The following PRKCE variants were observed in gnomAD, a reference collection of about 807,000 sequenced individuals.
The protein encoded by PRKCE is protein kinase C epsilon, also known as protein kinase C epsilon type.
Under a neutral mutation model 85.4 loss-of-function variants are expected in PRKCE, and 16 were observed. The observed-to-expected ratio is 0.19, with a 90% CI of 0.13 to 0.28. The LOEUF is 0.28. PRKCE is among the 10% of genes least tolerant of loss of function. PRKCE has a pLI of 1.00. For missense variants in PRKCE, 573 were observed against 975.2 expected (o/e 0.59, Z 5.49); for synonymous variants, 388 against 371.5 (o/e 1.04, Z -0.51).
At chr2:45,712,835 C>T (rs191505090) in intron 1 of PRKCE, among the ~76,000 whole-genome samples, 34 of 152,312 alleles carry the variant, frequency 2.2e-4, no homozygotes, top group South Asian at 2.1e-4. Flanking sequence ...TCCTCCAGCA[C>T]ACTTCCCTGT....
intron 11 of PRKCE, among the ~76,000 whole-genome samples, chr2:46,129,719 A>G (rs1674232801): frequency 6.6e-6 from 1 of 152,254 alleles, no homozygotes; most frequent in South Asian, 2.1e-4. Flanking sequence ...GCCCACAGGA[A>G]GCTGCCTGTG....
chr2:45,739,895 G>A (rs774431469), intron 1 of PRKCE, among the ~76,000 whole-genome samples: 2 of 152,200 alleles, frequency 1.3e-5, no homozygotes, highest in Non-Finnish European at 2.9e-5. Context: ...CTTTAGGCCT[G>A]TTTGACAATG....
intron 1 of PRKCE, among the ~76,000 whole-genome samples, chr2:45,794,087 AG>A (rs1438883190): frequency 6.6e-6 from 1 of 152,232 alleles, no homozygotes; most frequent in African/African-American, 2.4e-5. Context: ...CTAGAGAAGC[AG>A]GGAGACGCAG....
rs1375587455 is a variant in PRKCE at position 45,838,245 on chromosome 2, C to T, written c.349-4755C>T. Among the ~76,000 whole-genome samples the T allele has an allele frequency of 3.3e-5, 5 of 152,282 alleles. No homozygotes were observed. The East Asian group carries it at 9.7e-4, about 29-fold the overall frequency. On this transcript the variant is annotated intron_variant, in intron 1 of 14. Transcript: ENST00000306156. ...TGAAGGAAGGAGACTGCACCTCGGACTGGATTGTCAGAGGAGGCTCAGTTG... is the reference window on the plus strand; with the variant it reads ...TGAAGGAAGGAGACTGCACCTCGGATTGGATTGTCAGAGGAGGCTCAGTTG...
rs568762910 is a variant in PRKCE, at chr2:45,848,141, G to A, written c.412+5078G>A. Among the ~76,000 whole-genome samples, 7 of 152,302 alleles carry A rather than the reference G, an allele frequency of 4.6e-5. No individual in the cohort carries two copies. In the South Asian group the frequency reaches 1.5e-3, roughly 32 times the overall value. ...CTCTTGAAACTCTGTCTTAGCCAGT[G>A]GGCAGGATACATATCGACGGGTTCT... On this transcript the variant is annotated intron_variant, in intron 2 of 14. Transcript: ENST00000306156.
chr2:46,103,653 C>G (rs773591969), intron 11 of PRKCE, among the ~76,000 whole-genome samples: 1 of 152,074 alleles, frequency 6.6e-6, no homozygotes, highest in Non-Finnish European at 1.5e-5. Flanking sequence ...TGCCCAGAAG[C>G]CTTACTGATA....
chr2:45,840,714 T>C (rs1691277074), intron 1 of PRKCE, among the ~76,000 whole-genome samples: 1 of 152,022 alleles, frequency 6.6e-6, no homozygotes, highest in African/African-American at 2.4e-5. Context: ...AACCTTAAGC[T>C]CTCTCAACCA....
intron 1 of PRKCE, among the ~76,000 whole-genome samples, chr2:45,684,561 T>A (rs1165089210): frequency 6.6e-6 from 1 of 152,250 alleles, no homozygotes; most frequent in Non-Finnish European, 1.5e-5. Flanking sequence ...TTATTTTACT[T>A]AAAAAATGTT....
chr2:45,915,947 A>G (rs1030648449), intron 2 of PRKCE, among the ~76,000 whole-genome samples: 1 of 152,190 alleles, frequency 6.6e-6, no homozygotes, highest in African/African-American at 2.4e-5. Flanking sequence ...ATTATGCAGC[A>G]TCTACATCCC....
chr2:45,716,858 A>T (rs1209095803), intron 1 of PRKCE, among the ~76,000 whole-genome samples: 1 of 152,208 alleles, frequency 6.6e-6, no homozygotes, highest in South Asian at 2.1e-4. Flanking sequence ...AAGCAAATAC[A>T]TCCTTCTTCA....
At chr2:45,727,159 G>T (rs1204525989) in intron 1 of PRKCE, among the ~76,000 whole-genome samples, 1 of 152,152 alleles carries the variant, frequency 6.6e-6, no homozygotes, top group Non-Finnish European at 1.5e-5. Context: ...GTTAATCCTT[G>T]TTAGGCAAAT....
chr2:46,182,107 C>T (rs574016059), intron 14 of PRKCE, among the ~76,000 whole-genome samples: 11 of 152,302 alleles, frequency 7.2e-5, no homozygotes, highest in Non-Finnish European at 1.2e-4. Context: ...CCAGCTCCCC[C>T]GGCGTGGATG....
At chr2:46,114,654 C>T (rs935427039) in intron 11 of PRKCE, among the ~76,000 whole-genome samples, 15 of 151,288 alleles carry the variant, frequency 9.9e-5, no homozygotes, top group East Asian at 5.9e-4. Flanking sequence ...CTCCTGACCT[C>T]GTAATCCGCC....
At chr2:45,726,672 A>G (rs1573084171) in intron 1 of PRKCE, among the ~76,000 whole-genome samples, 3 of 152,190 alleles carry the variant, frequency 2.0e-5, no homozygotes, top group Admixed American at 1.3e-4. Flanking sequence ...AACCTTCAAT[A>G]TCTCTGATGT....
chr2:45,815,943 G>A (rs1689006453), intron 1 of PRKCE, among the ~76,000 whole-genome samples: 2 of 152,182 alleles, frequency 1.3e-5, no homozygotes, highest in Admixed American at 1.3e-4. Flanking sequence ...GGGCTGAAGA[G>A]TGTGAATGCC....
At chr2:46,015,551 C>A in intron 10 of PRKCE, among the ~76,000 whole-genome samples, 1 of 152,116 alleles carries the variant, frequency 6.6e-6, no homozygotes, top group Non-Finnish European at 1.5e-5. Flanking sequence ...AACATCCTTA[C>A]AAAGCAACGG....
chr2:45,844,414 T>G (rs939075513), intron 2 of PRKCE, among the ~76,000 whole-genome samples: 3 of 152,212 alleles, frequency 2.0e-5, no homozygotes, highest in African/African-American at 7.2e-5. Context: ...GTAGAAGATT[T>G]GAGGATTTAA....
intron 11 of PRKCE, among the ~76,000 whole-genome samples, chr2:46,106,672 G>A (rs1343579396): frequency 1.3e-5 from 2 of 152,156 alleles, no homozygotes; most frequent in Admixed American, 6.5e-5. Context: ...TGCACACCTG[G>A]TGTCTTTTCT....
At chr2:46,090,346 C>T (rs1670046706) in intron 11 of PRKCE, among the ~76,000 whole-genome samples, 1 of 152,180 alleles carries the variant, frequency 6.6e-6, no homozygotes, top group Admixed American at 6.5e-5. Flanking sequence ...TGACTCCCTC[C>T]CCTAGTGGGA....
Sources: allele counts gnomAD v4.1 joint callset (sites outside exome capture counted in the v4.1 genomes callset), GRCh38; gene constraint gnomAD v4.1.1; transcripts MANE v1.5; gene names NCBI Gene and HGNC (gene_info 2026-07-23, HGNC 2026-07-21).